Variants in OSTM1 observed in about 807,000 individuals in gnomAD.
The protein encoded by OSTM1 is osteopetrosis-associated transmembrane protein 1.
In OSTM1, 26 loss-of-function variants were observed where a neutral mutation model predicts 35.4. The ratio of observed to expected loss-of-function variants is 0.73; its 90% confidence interval spans 0.54 to 1.02. The LOEUF is 1.02. Among genes scored for constraint, OSTM1 ranks in the 50% least tolerant of loss-of-function variants. OSTM1 has a pLI of 0.00. For missense variants in OSTM1, 366 were observed against 409.6 expected (o/e 0.89, Z 0.92); for synonymous variants, 181 against 165.0 (o/e 1.10, Z -0.75).
chr6:108,050,930 G>T, intron 4 of OSTM1, 101 bp downstream of exon 4: 1 of 1,009,978 alleles, frequency 9.9e-7, no homozygotes, highest in Non-Finnish European at 1.6e-6. Context: ...GTTGAGGACA[G>T]AATATGCAGA....
intron 5 of OSTM1, among the ~76,000 whole-genome samples, chr6:108,046,896 A>C (rs4270829): frequency 0.24 from 36,723 of 151,866 alleles, 4,475 homozygotes; most frequent in Admixed American, 0.26. Flanking sequence ...AATAAACTGG[A>C]CAAGTTAAAT....
chr6:108,046,096 G>T (rs1317774517), intron 5 of OSTM1, among the ~76,000 whole-genome samples: 1 of 151,362 alleles, frequency 6.6e-6, no homozygotes, highest in Non-Finnish European at 1.5e-5. Context: ...CCGCCTCCTG[G>T]GTTCACACCA....
chr6:108,071,852 G>A (rs1772492109), intron 1 of OSTM1, among the ~76,000 whole-genome samples: 1 of 152,166 alleles, frequency 6.6e-6, no homozygotes, highest in South Asian at 2.1e-4. Flanking sequence ...ACATCAGGGT[G>A]AGTTGAGCTG....
intron 5 of OSTM1, among the ~76,000 whole-genome samples, chr6:108,046,955 C>A (rs1771987199): frequency 1.3e-5 from 2 of 152,140 alleles, no homozygotes; most frequent in African/African-American, 4.8e-5. Context: ...TATTCCCTAC[C>A]TGATAAATCC....
intron 1 of OSTM1, among the ~76,000 whole-genome samples, chr6:108,072,065 G>A (rs1772495096): frequency 6.6e-6 from 1 of 152,146 alleles, no homozygotes; most frequent in African/African-American, 2.4e-5. Context: ...CATGAGAAAA[G>A]CATTTGCTGC....
At position 108,049,373 on chromosome 6, in the gene OSTM1, C is replaced by T. The variant is rs145217113; in HGVS notation, c.829G>A (p.Val277Ile). The change falls in exon 5 of 6, where the codon GTC becomes ATC. Residue 277 changes from valine to isoleucine, a missense_variant. Around this residue, in one of 3 missense-constraint regions of OSTM1, gnomAD observed 125 missense variants for 151.7 expected, o/e 0.82. Transcript: ENST00000193322. Reference sequence around the variant, plus strand: ...ACAGGCACTGTGTCACTGCAAGGGACTGAACAGTTGAAAGTTCGACTCCAT... The same window carrying T: ...ACAGGCACTGTGTCACTGCAAGGGATTGAACAGTTGAAAGTTCGACTCCAT... ...KLWSRTFNCS[V>I]PCSDTVPVIA... The T allele has an allele frequency of 1.2e-6, 2 of 1,613,650 alleles. No individual in the cohort carries two copies.
intron 5 of OSTM1, among the ~76,000 whole-genome samples, chr6:108,045,375 TAATTTATCACCAGCG>T (rs1771949898): frequency 6.6e-6 from 1 of 151,370 alleles, no homozygotes; most frequent in African/African-American, 2.4e-5. Context: ...ATCATGCCAC[TAATTTATCACCAGCG>T]CAACAAGGCA....
chr6:108,056,690 C>T (rs192072743), intron 2 of OSTM1, among the ~76,000 whole-genome samples: 5 of 152,338 alleles, frequency 3.3e-5, no homozygotes, highest in Admixed American at 3.3e-4. Context: ...CCTCCTTGTA[C>T]AGCCCCCTTG....
Position 108,074,283 on chromosome 6 carries a change from G to A in OSTM1, c.369C>T (p.Val123=). ...CTCGGCTGATGTTGTCCATCTTGCT[G>A]ACGACCTGTTGGAAGAGGGGGTAGC... is the stretch of plus-strand genomic sequence containing the variant. ...QTCYPLFQQV[V]SKMDNISRAA... Residue 123 remains valine, a synonymous_variant, in exon 1 of 6, where the codon GTC becomes GTT. Coordinates refer to ENST00000193322, the MANE Select transcript of OSTM1 (RefSeq NM_014028.4). 1 of 1,612,514 alleles carries A rather than the reference G, an allele frequency of 6.2e-7. No individual in the cohort carries two copies. Among genetic ancestry groups the A allele is most frequent in the Non-Finnish European group, 8.5e-7 (1 of 1,179,992 alleles).
intron 1 of OSTM1, chr6:108,073,591 A>G (rs1025146996): frequency 2.0e-5 from 3 of 152,254 alleles, no homozygotes; most frequent in African/African-American, 7.2e-5. Context: ...TCCCCATTTT[A>G]CAGATTAGTA....
At chr6:108,054,670 C>T (rs1772139819) in intron 2 of OSTM1, 83 bp from the exon 3 acceptor site, 5 of 669,532 alleles carry the variant, frequency 7.5e-6, no homozygotes, top group Middle Eastern at 4.2e-4. Flanking sequence ...CTATCAGCTT[C>T]GTTTCACACT....
chr6:108,046,168 A>ATT lies in OSTM1; in HGVS notation c.950-1330_950-1329dup, dbSNP rs750495431. On this transcript the variant is annotated intron_variant, in intron 5 of 5. Coordinates refer to ENST00000193322, the MANE Select transcript of OSTM1 (RefSeq NM_014028.4). ...AGGTGCCCACCACCACGCCCAGCTA[A>ATT]TTTTTTTTTTTTTTTTTTTTTTTTG... is the stretch of plus-strand genomic sequence containing the variant. Among the ~76,000 whole-genome samples, 150 of 93,456 alleles carry ATT rather than the reference A, an allele frequency of 1.6e-3. 1 individual carries two copies. The highest frequency in any genetic ancestry group is 6.9e-3 in the African/African-American group (130 of 18,782). 61.3% of individuals were successfully genotyped at this position (93,456 alleles called of 152,430 possible).
chr6:108,057,352 CAATT>C (rs1009613991), intron 2 of OSTM1, among the ~76,000 whole-genome samples: 1 of 152,072 alleles, frequency 6.6e-6, no homozygotes, highest in African/African-American at 2.4e-5. Flanking sequence ...TTTACAAAAA[CAATT>C]ATATAGTTTT....
At chr6:108,046,738 A>T (rs894320427) in intron 5 of OSTM1, among the ~76,000 whole-genome samples, 3 of 152,194 alleles carry the variant, frequency 2.0e-5, no homozygotes, top group Admixed American at 2.0e-4. Flanking sequence ...GAAAACTTAA[A>T]CTAAAAACAT....
intron 2 of OSTM1, among the ~76,000 whole-genome samples, chr6:108,058,620 C>CA (rs1208884883): frequency 7.1e-6 from 1 of 141,588 alleles, no homozygotes; most frequent in Non-Finnish European, 1.6e-5. Flanking sequence ...ACTAAAAATA[C>CA]AAAAAAAGTT....
chr6:108,058,791 T>A (rs116366970), intron 2 of OSTM1, among the ~76,000 whole-genome samples: 1 of 151,536 alleles, frequency 6.6e-6, no homozygotes, highest in Non-Finnish European at 1.5e-5. Flanking sequence ...AAAAAAAAAA[T>A]GTTTTGGTTA....
At position 108,042,901 on chromosome 6, in the gene OSTM1, A is replaced by G. The variant is rs541627700; in HGVS notation, c.*1884T>C. ...TGTAAATACATATAAGCTGTGTGTC[A>G]ACATTCAGTACTATGCAAATCATTT... On this transcript the variant is annotated 3_prime_UTR_variant, in exon 6 of 6. Coordinates refer to ENST00000193322, the MANE Select transcript of OSTM1 (RefSeq NM_014028.4). The G allele has an allele frequency of 6.6e-6, 1 of 152,354 alleles. No homozygotes were observed. The highest frequency in any genetic ancestry group is 1.9e-4 in the East Asian group (1 of 5,192). The allele number at this position is 152,354 out of a possible 1,614,324, so 9.4% of individuals were successfully genotyped here.
chr6:108,055,587 C>T (rs986714357), intron 2 of OSTM1, among the ~76,000 whole-genome samples: 2 of 152,244 alleles, frequency 1.3e-5, no homozygotes, highest in Non-Finnish European at 2.9e-5. Context: ...GGTTCCAGAT[C>T]TTGGAACTTG....
chr6:108,046,969 C>T (rs1158899510), intron 5 of OSTM1, among the ~76,000 whole-genome samples: 2 of 152,204 alleles, frequency 1.3e-5, no homozygotes, highest in East Asian at 3.8e-4. Flanking sequence ...TAAATCCCCA[C>T]ATCCTTTAAA....
Sources: gnomAD v4.1 joint callset for allele counts (sites outside exome capture counted in the v4.1 genomes callset) on GRCh38, gnomAD v4.1.1 for gene constraint, gnomAD v4.1.1 regional missense constraint, MANE v1.5 for transcripts, NCBI Gene and HGNC (gene_info 2026-07-23, HGNC 2026-07-21) for gene names.